DEPDC1B: variants seen among roughly 807,000 people sequenced by gnomAD.
DEPDC1B encodes the protein DEP domain-containing protein 1B.
In DEPDC1B, 51 loss-of-function variants were observed where a neutral mutation model predicts 66.5. That is an observed-to-expected ratio of 0.77 (90% CI 0.61 to 0.97). DEPDC1B has a LOEUF of 0.97. Among genes scored for constraint, DEPDC1B ranks in the 50% least tolerant of loss-of-function variants. DEPDC1B has a pLI of 0.00. For missense variants in DEPDC1B, 552 were observed against 637.1 expected (o/e 0.87, Z 1.44); for synonymous variants, 226 against 223.6 (o/e 1.01, Z -0.10).
intron 2 of DEPDC1B, among the ~76,000 whole-genome samples, chr5:60,685,761 A>G (rs1390867512): frequency 1.3e-5 from 2 of 152,244 alleles, no homozygotes; most frequent in Non-Finnish European, 2.9e-5. Flanking sequence ...ATAATCATTT[A>G]AGAATTCCCA....
At chr5:60,696,081 G>A (rs2112053162) in intron 1 of DEPDC1B, among the ~76,000 whole-genome samples, 1 of 152,312 alleles carries the variant, frequency 6.6e-6, no homozygotes, top group Middle Eastern at 3.4e-3. Context: ...ACAGGCATGA[G>A]CCACCGCACC....
chr5:60,645,443 A>T, intron 4 of DEPDC1B, 49 bp downstream of exon 4: 2 of 1,507,758 alleles, frequency 1.3e-6, no homozygotes, highest in Non-Finnish European at 1.8e-6. Context: ...AAGTAGCAAA[A>T]TAGGAAACAA....
intron 7 of DEPDC1B, among the ~76,000 whole-genome samples, chr5:60,612,791 A>G (rs1752450114): frequency 6.6e-6 from 1 of 151,998 alleles, no homozygotes; most frequent in East Asian, 1.9e-4. Flanking sequence ...AAATTTGTTT[A>G]AAAGAGAAAT....
intron 7 of DEPDC1B, among the ~76,000 whole-genome samples, chr5:60,633,639 A>C (rs1203943409): frequency 6.6e-6 from 1 of 152,192 alleles, no homozygotes; most frequent in African/African-American, 2.4e-5. Context: ...AGCCCAGCTG[A>C]GACCTGAAGA....
chr5:60,662,171 G>A (rs992293042), intron 2 of DEPDC1B, among the ~76,000 whole-genome samples: 3 of 152,000 alleles, frequency 2.0e-5, no homozygotes, highest in East Asian at 1.9e-4. Context: ...GGTGGATCAC[G>A]AGGTCAGGAG....
intron 2 of DEPDC1B, among the ~76,000 whole-genome samples, chr5:60,658,096 C>T (rs1753619448): frequency 2.0e-5 from 3 of 152,082 alleles, no homozygotes; most frequent in African/African-American, 7.2e-5. Context: ...TGAGACTTTC[C>T]AGTGTATTTT....
At chr5:60,602,738 T>A (rs558248482) in intron 9 of DEPDC1B, among the ~76,000 whole-genome samples, 2 of 152,238 alleles carry the variant, frequency 1.3e-5, no homozygotes, top group Non-Finnish European at 2.9e-5. Flanking sequence ...AGTGTTCTAA[T>A]CTTCACAACT....
At chr5:60,649,755 C>G (rs1403727919) in intron 2 of DEPDC1B, among the ~76,000 whole-genome samples, 2 of 152,010 alleles carry the variant, frequency 1.3e-5, no homozygotes, top group East Asian at 3.9e-4. Flanking sequence ...AAAAAAAAGA[C>G]AGTGTGCCCC....
intron 7 of DEPDC1B, among the ~76,000 whole-genome samples, chr5:60,637,306 G>T (rs985664052): frequency 6.6e-6 from 1 of 152,116 alleles, no homozygotes; most frequent in African/African-American, 2.4e-5. Context: ...TTGCAACTGT[G>T]AGTTCTCCCA....
intron 7 of DEPDC1B, among the ~76,000 whole-genome samples, chr5:60,638,395 T>C (rs1753108926): frequency 6.6e-6 from 1 of 152,200 alleles, no homozygotes; most frequent in South Asian, 2.1e-4. Flanking sequence ...ACTTGACTAT[T>C]CATGAAGTCA....
chr5:60,635,468 T>C (rs1250739076), intron 7 of DEPDC1B, among the ~76,000 whole-genome samples: 4 of 152,228 alleles, frequency 2.6e-5, no homozygotes, highest in African/African-American at 9.6e-5. Flanking sequence ...TATGGCATTT[T>C]CTATATTTAA....
chr5:60,612,849 T>C (rs992261893), intron 7 of DEPDC1B, among the ~76,000 whole-genome samples: 8 of 152,156 alleles, frequency 5.3e-5, no homozygotes, highest in Non-Finnish European at 1.0e-4. Flanking sequence ...CTAAGAATAG[T>C]GTTATGAATA....
chr5:60,624,828 A>G (rs1584040553), intron 7 of DEPDC1B, among the ~76,000 whole-genome samples: 1 of 152,130 alleles, frequency 6.6e-6, no homozygotes, highest in Non-Finnish European at 1.5e-5. Context: ...CCCACAAACC[A>G]AAGTAATGTC....
intron 2 of DEPDC1B, among the ~76,000 whole-genome samples, chr5:60,681,456 G>A (rs557564512): frequency 7.4e-4 from 112 of 152,280 alleles, no homozygotes; most frequent in African/African-American, 2.6e-3. Flanking sequence ...AAATCAAAGG[G>A]AAGGCACTCT....
chr5:60,617,204 C>T (rs146429661), intron 7 of DEPDC1B, among the ~76,000 whole-genome samples: 9,116 of 152,210 alleles, frequency 0.06, 303 homozygotes, highest in Middle Eastern at 0.075. Flanking sequence ...TAAAGACCAT[C>T]GAGGCTAGGA....
At chr5:60,657,552 C>T (rs1753606508) in intron 2 of DEPDC1B, among the ~76,000 whole-genome samples, 2 of 152,144 alleles carry the variant, frequency 1.3e-5, no homozygotes, top group African/African-American at 4.8e-5. Context: ...GTTTATGAAG[C>T]TTAGTTTGAC....
intron 2 of DEPDC1B, among the ~76,000 whole-genome samples, chr5:60,658,428 G>A (rs1201573022): frequency 6.6e-6 from 1 of 152,172 alleles, no homozygotes; most frequent in East Asian, 1.9e-4. Context: ...TGTAGATTAT[G>A]TCAAAGGGAA....
intron 2 of DEPDC1B, among the ~76,000 whole-genome samples, chr5:60,678,368 T>A (rs1379707449): frequency 9.2e-5 from 14 of 152,204 alleles, no homozygotes; most frequent in Non-Finnish European, 1.5e-4. Flanking sequence ...AATCTATAAA[T>A]ATTCACTTAA....
intron 7 of DEPDC1B, among the ~76,000 whole-genome samples, chr5:60,611,310 GT>G (rs775004106): frequency 6.6e-6 from 1 of 152,154 alleles, no homozygotes; most frequent in Non-Finnish European, 1.5e-5. Context: ...CCAACAGGTG[GT>G]TCCCCTGTCT....
Sources: allele counts gnomAD v4.1 joint callset (sites outside exome capture counted in the v4.1 genomes callset), GRCh38; gene constraint gnomAD v4.1.1; transcripts MANE v1.5; gene names NCBI Gene and HGNC (gene_info 2026-07-23, HGNC 2026-07-21).